Variants in PCDH9 observed in about 807,000 individuals in gnomAD.
PCDH9 encodes the protein protocadherin 9.
A neutral mutation model predicts 70.6 loss-of-function variants in PCDH9; 24 were observed. The ratio of observed to expected loss-of-function variants is 0.34; its 90% CI spans 0.25 to 0.48. The LOEUF (loss-of-function observed/expected upper bound fraction) is 0.48, where lower values mean the gene tolerates loss of function less well. PCDH9 is among the 20% of genes least tolerant of loss of function. The pLI, the probability that PCDH9 is intolerant of heterozygous loss-of-function variation, is 0.99. For synonymous variants in PCDH9, 562 were observed against 558.5 expected (o/e 1.01, Z -0.09); for missense variants, 1,281 against 1,503.6 (o/e 0.85, Z 2.45).
chr13:66,717,543 A>G (rs1593945084), intron 3 of PCDH9, among the ~76,000 whole-genome samples: 1 of 145,890 alleles, frequency 6.9e-6, no homozygotes, highest in East Asian at 2.0e-4. Context: ...TTAGTACAAG[A>G]TATGTCTCGC....
chr13:66,679,459 C>A (rs528676663), intron 3 of PCDH9, among the ~76,000 whole-genome samples: 11 of 151,970 alleles, frequency 7.2e-5, no homozygotes, highest in African/African-American at 2.6e-4. Flanking sequence ...AGTACTGGAT[C>A]CAATAGCTTT....
At chr13:67,181,891 C>T (rs555448319) in intron 2 of PCDH9, among the ~76,000 whole-genome samples, 50 of 152,280 alleles carry the variant, frequency 3.3e-4, no homozygotes, top group Admixed American at 1.1e-3. Flanking sequence ...AACATTTAAA[C>T]AGCAAATCAC....
chr13:66,315,005 G>A (rs923644156), intron 4 of PCDH9, among the ~76,000 whole-genome samples: 1 of 152,166 alleles, frequency 6.6e-6, no homozygotes. Context: ...TCTCCAGCTG[G>A]TGGCAGGTGG....
intron 4 of PCDH9, among the ~76,000 whole-genome samples, chr13:66,426,599 T>G (rs1049930400): frequency 1.6e-4 from 25 of 151,628 alleles, no homozygotes; most frequent in Non-Finnish European, 1.5e-5. Flanking sequence ...GACACTAATA[T>G]AATTATAAAA....
At chr13:66,706,430 TAC>T (rs2078712290) in intron 3 of PCDH9, among the ~76,000 whole-genome samples, 1 of 152,230 alleles carries the variant, frequency 6.6e-6, no homozygotes, top group African/African-American at 2.4e-5. Context: ...AGAGTAAAAG[TAC>T]ACTTAGAAGG....
intron 4 of PCDH9, among the ~76,000 whole-genome samples, chr13:66,541,863 T>C (rs996804923): frequency 4.6e-5 from 7 of 152,182 alleles, no homozygotes; most frequent in African/African-American, 1.7e-4. Flanking sequence ...TGCATCTACT[T>C]GAACCAGAGA....
At chr13:66,542,025 G>C (rs577457972) in intron 4 of PCDH9, among the ~76,000 whole-genome samples, 1 of 152,020 alleles carries the variant, frequency 6.6e-6, no homozygotes, top group Non-Finnish European at 1.5e-5. Context: ...AAAGGCTTGC[G>C]CATATAGATA....
At chr13:66,735,115 AG>A (rs2079128730) in intron 3 of PCDH9, among the ~76,000 whole-genome samples, 1 of 152,226 alleles carries the variant, frequency 6.6e-6, no homozygotes, top group African/African-American at 2.4e-5. Flanking sequence ...TTCACTGAAA[AG>A]TTATATCTAC....
At chr13:67,188,740 C>T (rs2088827225) in intron 2 of PCDH9, among the ~76,000 whole-genome samples, 1 of 151,986 alleles carries the variant, frequency 6.6e-6, no homozygotes, top group Non-Finnish European at 1.5e-5. Flanking sequence ...TTTTTAAAAA[C>T]TAAACTGAAA....
chr13:66,432,787 A>C (rs1313487684), intron 4 of PCDH9, among the ~76,000 whole-genome samples: 1 of 151,996 alleles, frequency 6.6e-6, no homozygotes, highest in East Asian at 1.9e-4. Flanking sequence ...AAAAATGATA[A>C]CATGCATAAA....
chr13:67,012,832 A>G (rs1566362405), intron 2 of PCDH9, among the ~76,000 whole-genome samples: 1 of 152,004 alleles, frequency 6.6e-6, no homozygotes, highest in Non-Finnish European at 1.5e-5. Context: ...CCGAAGTGTT[A>G]CTATATTATA....
At chr13:66,514,830 T>C (rs1391514747) in intron 4 of PCDH9, among the ~76,000 whole-genome samples, 2 of 152,130 alleles carry the variant, frequency 1.3e-5, no homozygotes, top group African/African-American at 4.8e-5. Flanking sequence ...CAACTATATG[T>C]GATTATCTGG....
chr13:66,976,071 G>C (rs930072970), intron 2 of PCDH9, among the ~76,000 whole-genome samples: 1 of 151,940 alleles, frequency 6.6e-6, no homozygotes, highest in Non-Finnish European at 1.5e-5. Flanking sequence ...TTGAAAGATA[G>C]GGCATGTACA....
intron 3 of PCDH9, among the ~76,000 whole-genome samples, chr13:66,642,497 T>G (rs2077721628): frequency 6.6e-6 from 1 of 152,068 alleles, no homozygotes; most frequent in Admixed American, 6.6e-5. Flanking sequence ...ATTCTGTTCT[T>G]TATTAGGTAC....
chr13:66,695,633 A>T (rs11148712), intron 3 of PCDH9, among the ~76,000 whole-genome samples: 46,708 of 152,068 alleles, frequency 0.31, 8,191 homozygotes, highest in East Asian at 0.51. Context: ...ACTGTCTGTT[A>T]AAATAACCAA....
intron 4 of PCDH9, among the ~76,000 whole-genome samples, chr13:66,505,407 A>G (rs1376387724): frequency 1.3e-5 from 2 of 152,106 alleles, no homozygotes; most frequent in East Asian, 1.9e-4. Flanking sequence ...CTTATTCACT[A>G]TCACGAGAAC....
chr13:66,317,021 C>T (rs895475801), intron 4 of PCDH9, among the ~76,000 whole-genome samples: 1 of 152,162 alleles, frequency 6.6e-6, no homozygotes, highest in African/African-American at 2.4e-5. Flanking sequence ...CTGTGCCCGG[C>T]CCGCTAGCTT....
chr13:66,596,246 A>T lies in PCDH9; in HGVS notation c.3340+34964T>A, dbSNP rs192560395. On this transcript the variant is annotated intron_variant, in intron 4 of 4. Transcript: ENST00000377865. ...ATACTGTTTTGTCCAGACAGAGAAA[A>T]ATTGTTATTACAGGCCTTCATTAAA... Among the ~76,000 whole-genome samples, 506 of 151,704 alleles carry T rather than the reference A, an allele frequency of 3.3e-3. 1 individual carries two copies. The highest frequency in any genetic ancestry group is 8.2e-3 in the Admixed American group (125 of 15,180).
At chr13:66,707,936 A>G (rs1467818451) in intron 3 of PCDH9, among the ~76,000 whole-genome samples, 1 of 152,118 alleles carries the variant, frequency 6.6e-6, no homozygotes. Context: ...CTTAACACCA[A>G]TTTTCATATC....
Sources: gnomAD v4.1 joint callset for allele counts (sites outside exome capture counted in the v4.1 genomes callset) on GRCh38, gnomAD v4.1.1 for gene constraint, MANE v1.5 for transcripts, NCBI Gene and HGNC (gene_info 2026-07-23, HGNC 2026-07-21) for gene names.